The following CCDC39 variants were observed in gnomAD, a reference collection of about 807,000 sequenced individuals.
CCDC39 encodes the protein coiled-coil domain-containing protein 39.
Under a neutral mutation model 121.0 loss-of-function variants are expected in CCDC39, and 113 were observed. That is an observed-to-expected ratio of 0.93 (90% CI 0.80 to 1.09). The LOEUF is 1.09. Among genes scored for constraint, CCDC39 ranks in the 50% least tolerant of loss-of-function variants. The probability of loss-of-function intolerance (pLI) is 0.00; values close to 1 mark genes in which losing one functional copy is unlikely to be tolerated. For synonymous variants in CCDC39, 349 were observed against 352.2 expected (o/e 0.99, Z 0.10); for missense variants, 1,063 against 1,074.7 (o/e 0.99, Z 0.15).
chr3:180,656,218 C>T lies in CCDC39; in HGVS notation c.739-1265G>A, dbSNP rs191722155. Among the ~76,000 whole-genome samples, 21 of 152,220 alleles carry T rather than the reference C, an allele frequency of 1.4e-4. 1 individual carries two copies. In the East Asian group the frequency reaches 4.0e-3, roughly 29 times the overall value. On this transcript the variant is annotated intron_variant, in intron 6 of 19. Coordinates refer to ENST00000476379, the MANE Select transcript of CCDC39 (RefSeq NM_181426.2). Reference sequence around the variant, plus strand: ...AGAATATGAATCCAGAGTTTCTTGCCTTATGATTTTTTCTACCACTTAATC... The same window carrying T: ...AGAATATGAATCCAGAGTTTCTTGCTTTATGATTTTTTCTACCACTTAATC...
In CCDC39 at chr3:180,642,962, A is replaced by T. The variant is rs939582150; in HGVS notation, c.1666-761T>A. 4.1e-5 allele frequency among the ~76,000 whole-genome samples: 6 copies of T among 145,388 alleles called. No individual in the cohort carries two copies. In the East Asian group the frequency reaches 1.0e-3, roughly 24 times the overall value. ...ATTTACAATATTTATGACAGAGATA[A>T]TTTTTTTTTTTTTTTGAGACGGAGT... On this transcript the variant is annotated intron_variant, in intron 12 of 19. Transcript: ENST00000476379.
intron 13 of CCDC39, among the ~76,000 whole-genome samples, chr3:180,633,115 G>A (rs935021082): frequency 7.9e-5 from 12 of 152,084 alleles, no homozygotes; most frequent in African/African-American, 2.4e-4. Context: ...TAGCTATTAC[G>A]CTCTTTACAG....
chr3:180,622,531 C>T (rs892899792), intron 14 of CCDC39, among the ~76,000 whole-genome samples: 8 of 152,042 alleles, frequency 5.3e-5, no homozygotes, highest in East Asian at 1.9e-4. Context: ...CCATTCGATA[C>T]GATGTTGGCT....
At chr3:180,654,697 C>A in intron 7 of CCDC39, 65 bp downstream of exon 7, 1 of 968,444 alleles carries the variant, frequency 1.0e-6, no homozygotes, top group Non-Finnish European at 1.4e-6. Context: ...AAGCTTTATG[C>A]TTATTTTATA....
intron 12 of CCDC39, among the ~76,000 whole-genome samples, chr3:180,643,254 C>T (rs1177938961): frequency 6.6e-6 from 1 of 151,780 alleles, no homozygotes; most frequent in Non-Finnish European, 1.5e-5. Context: ...CCACCGTGCC[C>T]GGCCGACAGA....
In CCDC39 at chr3:180,647,254, T is replaced by C. The variant is rs1553804100; in HGVS notation, c.1363-11A>G. 1 of 1,536,236 alleles carries C rather than the reference T, an allele frequency of 6.5e-7. No homozygotes were observed. Among genetic ancestry groups the C allele is most frequent in the Non-Finnish European group, 8.7e-7 (1 of 1,147,368 alleles). On this transcript the variant is annotated splice_polypyrimidine_tract_variant and intron_variant, in intron 10 of 19. Transcript: ENST00000476379. ...TTGAATGTGAAAATCCTGTTACAGTTTAAAAAAAAAAAGGTATTACAAAGA... is the reference window on the plus strand; with the variant it reads ...TTGAATGTGAAAATCCTGTTACAGTCTAAAAAAAAAAAGGTATTACAAAGA...
At chr3:180,617,002 C>T in intron 16 of CCDC39, 36 bp from the exon 17 acceptor site, 5 of 1,113,734 alleles carry the variant, frequency 4.5e-6, no homozygotes, top group East Asian at 2.7e-5. Flanking sequence ...TTTTTAGAAT[C>T]AGAAATTGAC....
At chr3:180,658,618 AAG>A (rs908808355) in intron 6 of CCDC39, among the ~76,000 whole-genome samples, 1 of 152,044 alleles carries the variant, frequency 6.6e-6, no homozygotes, top group African/African-American at 2.4e-5. Flanking sequence ...AGAGAGAATT[AAG>A]AGAACCTCAT....
rs1576949800 is a variant in CCDC39 at position 180,660,511 on chromosome 3, T to C, written c.516+59A>G. On this transcript the variant is annotated intron_variant, in intron 4 of 19. Transcript: ENST00000476379. ...AATCCTAAGTATAACTTTAGGTAAA[T>C]AGGTTGACATACTACAGAGTTAGAG... The C allele has an allele frequency of 5.1e-6, 7 of 1,378,446 alleles. No individual in the cohort carries two copies. The East Asian group carries it at 1.0e-4, about 20-fold the overall frequency. The allele number at this position is 1,378,446 out of a possible 1,614,324, so 85.4% of individuals were successfully genotyped here.
At chr3:180,619,394 A>G (rs1464905985) in intron 15 of CCDC39, 29 bp from the exon 16 acceptor site, 1 of 1,041,922 alleles carries the variant, frequency 9.6e-7, no homozygotes, top group Non-Finnish European at 1.4e-6. Context: ...TTAGTTTAAA[A>G]TTTCAACATA....
intron 16 of CCDC39, chr3:180,617,583 T>A: frequency 2.1e-6 from 1 of 468,174 alleles, no homozygotes; most frequent in Non-Finnish European, 3.8e-6. Context: ...GGTTTATGTG[T>A]GTGTATGTGT....
intron 14 of CCDC39, among the ~76,000 whole-genome samples, chr3:180,629,383 T>TA (rs1319099125): frequency 6.6e-6 from 1 of 152,234 alleles, no homozygotes; most frequent in Non-Finnish European, 1.5e-5. Context: ...AGATATCACT[T>TA]ACGTTACTAT....
At chr3:180,633,627 AAAAAG>A (rs1332103180) in intron 13 of CCDC39, among the ~76,000 whole-genome samples, 1 of 152,190 alleles carries the variant, frequency 6.6e-6, no homozygotes, top group Non-Finnish European at 1.5e-5. Flanking sequence ...TACAAGTAGA[AAAAAG>A]AAACCTGGAG....
intron 8 of CCDC39, 57 bp downstream of exon 8, chr3:180,652,106 A>G: frequency 1.1e-6 from 1 of 948,438 alleles, no homozygotes; most frequent in South Asian, 1.7e-5. Context: ...GTATTTAATA[A>G]TTTTCTAGAT....
At chr3:180,669,202 C>T (rs13060548) in intron 1 of CCDC39, among the ~76,000 whole-genome samples, 32,333 of 151,126 alleles carry the variant, frequency 0.21, 3,656 homozygotes, top group East Asian at 0.39. Flanking sequence ...TGGTGTTTGG[C>T]TGATTTATTT....
chr3:180,644,617 C>G (rs1280845755), intron 11 of CCDC39, among the ~76,000 whole-genome samples: 2 of 152,120 alleles, frequency 1.3e-5, no homozygotes, highest in African/African-American at 4.8e-5. Context: ...GTTCAAGTCC[C>G]TTATATAAAA....
intron 14 of CCDC39, among the ~76,000 whole-genome samples, chr3:180,621,283 G>A (rs1717425871): frequency 6.6e-6 from 1 of 151,516 alleles, no homozygotes; most frequent in African/African-American, 2.4e-5. Flanking sequence ...TAGATACCAG[G>A]TAGTAGGACT....
chr3:180,624,911 T>G (rs1006635841), intron 14 of CCDC39, among the ~76,000 whole-genome samples: 4 of 152,204 alleles, frequency 2.6e-5, no homozygotes, highest in Non-Finnish European at 5.9e-5. Context: ...GTTTCCTTTA[T>G]AGGTGACTAG....
intron 12 of CCDC39, among the ~76,000 whole-genome samples, chr3:180,642,647 C>T (rs966310476): frequency 6.6e-6 from 1 of 151,782 alleles, no homozygotes; most frequent in Non-Finnish European, 1.5e-5. Context: ...CAGAAAAAAA[C>T]ACTCCAGGAT....
Sources: gnomAD v4.1 joint callset for allele counts (sites outside exome capture counted in the v4.1 genomes callset) on GRCh38, gnomAD v4.1.1 for gene constraint, MANE v1.5 for transcripts, NCBI Gene and HGNC (gene_info 2026-07-23, HGNC 2026-07-21) for gene names.